The following SMCO3 variants were observed in gnomAD, a reference collection of about 807,000 sequenced individuals.
SMCO3 encodes the protein single-pass membrane and coiled-coil domain-containing protein 3.
SMCO3 carries 6 observed loss-of-function variants against 12.0 expected under a neutral mutation model. That is an observed-to-expected ratio of 0.50 (90% CI 0.27 to 0.99). The LOEUF is 0.99. Ranked by LOEUF, SMCO3 falls within the 50% of genes least tolerant of loss-of-function variation. SMCO3 has a pLI of 0.11. For synonymous variants in SMCO3, 96 were observed against 96.4 expected, an observed-to-expected ratio of 1.00 and a Z score of 0.02; for missense variants, 279 against 265.0, an observed-to-expected ratio of 1.05 and a Z score of -0.37.
At chr12:14,808,617 T>C (rs1025041182) in intron 1 of SMCO3, among the ~76,000 whole-genome samples, 3 of 152,176 alleles carry the variant, frequency 2.0e-5, no homozygotes, top group African/African-American at 4.8e-5. Flanking sequence ...CCAAATCGTA[T>C]GGATATAAGT....
rs565187762 is a variant in SMCO3, at chr12:14,807,476, A to G, written c.-16-780T>C. ...TCTAGTCAGGGCCAGATAAATATTAACATCTCTAAATTTACAGGGCTGTTT... is the reference window on the plus strand; with the variant it reads ...TCTAGTCAGGGCCAGATAAATATTAGCATCTCTAAATTTACAGGGCTGTTT... On this transcript the variant is annotated intron_variant, in intron 1 of 1. Transcript: ENST00000316048. Among the ~76,000 whole-genome samples, 4 of 152,300 alleles carry G rather than the reference A, an allele frequency of 2.6e-5. No individual in the cohort carries two copies. In the South Asian group the frequency reaches 8.3e-4, roughly 32 times the overall value.
chr12:14,813,527 CA>C (rs1476139291), intron 1 of SMCO3, among the ~76,000 whole-genome samples: 6 of 152,302 alleles, frequency 3.9e-5, no homozygotes, highest in Admixed American at 6.5e-5. Flanking sequence ...ATATTAAAGT[CA>C]TTCATCAGCA....
rs376377212 is a variant in SMCO3, at chr12:14,805,264, T to G, written c.*739A>C. On this transcript the variant is annotated 3_prime_UTR_variant, in exon 2 of 2. Coordinates refer to ENST00000316048, the MANE Select transcript of SMCO3 (RefSeq NM_001013698.2). Reference sequence around the variant, plus strand: ...ATATGTGTAGCTGTGTTTTGCTTTCTTGTCTTCTAAATGTTTCAGTGTTTG... The same window carrying G: ...ATATGTGTAGCTGTGTTTTGCTTTCGTGTCTTCTAAATGTTTCAGTGTTTG... 2.0e-4 allele frequency: 30 copies of G among 152,382 alleles called. 1 individual carries two copies. The highest frequency in any genetic ancestry group is 7.2e-4 in the African/African-American group (30 of 41,598). 9.4% of individuals were successfully genotyped at this position (152,382 alleles called of 1,614,324 possible).
Position 14,806,695 on chromosome 12 carries a change from C to A in SMCO3, c.-15G>T. Reference sequence around the variant, plus strand: ...CTTTGGGCCATATTTCCAATATGATCGCTGAAAAATAAAATGGTAAATTTT... The same window carrying A: ...CTTTGGGCCATATTTCCAATATGATAGCTGAAAAATAAAATGGTAAATTTT... On this transcript the variant is annotated splice_region_variant and 5_prime_UTR_variant, in exon 2 of 2. Coordinates refer to ENST00000316048, the MANE Select transcript of SMCO3 (RefSeq NM_001013698.2). 6.4e-7 allele frequency: 1 copy of A among 1,558,766 alleles called. No individual in the cohort carries two copies. Among genetic ancestry groups the A allele is most frequent in the Non-Finnish European group, 8.6e-7 (1 of 1,156,706 alleles).
At chr12:14,813,273 T>C (rs1427458990) in intron 1 of SMCO3, among the ~76,000 whole-genome samples, 1 of 152,226 alleles carries the variant, frequency 6.6e-6, no homozygotes, top group African/African-American at 2.4e-5. Flanking sequence ...TGCTGTCACT[T>C]TTCTTCACTG....
rs1199032780 is a variant in SMCO3, at chr12:14,805,857, T to C, written c.*146A>G. 1 of 805,668 alleles carries C rather than the reference T, an allele frequency of 1.2e-6. No individual in the cohort carries two copies. Among genetic ancestry groups the C allele is most frequent in the East Asian group, 2.6e-5 (1 of 37,750 alleles). The allele number at this position is 805,668 out of a possible 1,614,324, so 49.9% of individuals were successfully genotyped here. A position where few individuals can be genotyped will look rare whatever the true frequency, so the allele number is the denominator to read the frequency against. On this transcript the variant is annotated 3_prime_UTR_variant, in exon 2 of 2. Coordinates refer to ENST00000316048, the MANE Select transcript of SMCO3 (RefSeq NM_001013698.2). ...TCAAAACTCATCTAGTCATCTAGTC[T>C]TGGCATCTCCAGTTTCCCTCTCCAA...
intron 1 of SMCO3, among the ~76,000 whole-genome samples, chr12:14,807,033 T>C (rs772006288): frequency 2.0e-5 from 3 of 152,334 alleles, no homozygotes; most frequent in Admixed American, 6.5e-5. Flanking sequence ...GGTTTCATCA[T>C]GTTGCCCAGG....
At position 14,806,576 on chromosome 12, in the gene SMCO3, G is replaced by A; in HGVS notation, c.105C>T (p.Val35=). ...LLDCLSDSFD[V]TNKLTEVLNM... Reference sequence around the variant, plus strand: ...TTAGAACCTCAGTCAGCTTATTGGTGACATCGAAGCTGTCAGATAAGCAAT... The same window carrying A: ...TTAGAACCTCAGTCAGCTTATTGGTAACATCGAAGCTGTCAGATAAGCAAT... Residue 35 remains valine (V), a synonymous_variant, in exon 2 of 2, where the codon GTC becomes GTT. Transcript: ENST00000316048. 1.2e-6 allele frequency: 2 copies of A among 1,614,142 alleles called. No individual in the cohort carries two copies. The highest frequency in any genetic ancestry group is 1.7e-6 in the Non-Finnish European group (2 of 1,180,030).
chr12:14,812,443 C>CAA (rs1260022264), intron 1 of SMCO3, among the ~76,000 whole-genome samples: 1 of 138,778 alleles, frequency 7.2e-6, no homozygotes. Context: ...GACTCCGTCT[C>CAA]AAAAAAAAAA....
intron 1 of SMCO3, among the ~76,000 whole-genome samples, chr12:14,810,048 C>T (rs924920886): frequency 2.0e-5 from 3 of 152,184 alleles, no homozygotes; most frequent in Admixed American, 6.5e-5. Flanking sequence ...TTCATGACTT[C>T]GTTCCAATAA....
chr12:14,809,516 T>G (rs759154819), intron 1 of SMCO3, among the ~76,000 whole-genome samples: 4 of 152,170 alleles, frequency 2.6e-5, no homozygotes, highest in Non-Finnish European at 5.9e-5. Context: ...TTAATAATAA[T>G]AAATTGTAGA....
rs1022456077 is a variant in SMCO3 at position 14,806,691 on chromosome 12, T to C, written c.-11A>G. ...GTCACTTTGGGCCATATTTCCAATA[T>C]GATCGCTGAAAAATAAAATGGTAAA... On this transcript the variant is annotated 5_prime_UTR_variant, in exon 2 of 2. Coordinates refer to ENST00000316048, the MANE Select transcript of SMCO3 (RefSeq NM_001013698.2). The C allele has an allele frequency of 1.9e-5, 30 of 1,564,110 alleles. No individual in the cohort carries two copies. Among genetic ancestry groups the C allele is most frequent in the Non-Finnish European group, 2.5e-5 (29 of 1,159,744 alleles).
chr12:14,806,818 A>G, intron 1 of SMCO3, 122 bp from the exon 2 acceptor site: 1 of 893,362 alleles, frequency 1.1e-6, no homozygotes, highest in South Asian at 1.8e-5. Context: ...GTCTAAGGAT[A>G]ATTCCTCAGA....
intron 1 of SMCO3, among the ~76,000 whole-genome samples, chr12:14,811,721 A>G (rs1232647565): frequency 2.6e-5 from 4 of 152,234 alleles, no homozygotes; most frequent in Admixed American, 1.3e-4. Flanking sequence ...CAGAAAAGGA[A>G]CTACCTTACA....
chr12:14,807,244 GT>G (rs1488499503), intron 1 of SMCO3, among the ~76,000 whole-genome samples: 1 of 152,202 alleles, frequency 6.6e-6, no homozygotes, highest in Non-Finnish European at 1.5e-5. Flanking sequence ...AGATTTTGTG[GT>G]GGTGAGAAAT....
chr12:14,805,012 T>G lies in SMCO3; in HGVS notation c.*991A>C, dbSNP rs1950026447. On this transcript the variant is annotated 3_prime_UTR_variant, in exon 2 of 2. Transcript: ENST00000316048. Reference sequence around the variant, plus strand: ...AGAAAACAAACACATCTGCAGAGATTCAGCGGAACCATTAATAGGCTTCCA... The same window carrying G: ...AGAAAACAAACACATCTGCAGAGATGCAGCGGAACCATTAATAGGCTTCCA... 6.6e-6 allele frequency: 1 copy of G among 152,266 alleles called. No homozygotes were observed. The highest frequency in any genetic ancestry group is 2.4e-5 in the African/African-American group (1 of 41,468). The allele number at this position is 152,266 out of a possible 1,614,324, so 9.4% of individuals were successfully genotyped here.
At chr12:14,807,111 C>T (rs1035476025) in intron 1 of SMCO3, among the ~76,000 whole-genome samples, 18 of 152,308 alleles carry the variant, frequency 1.2e-4, no homozygotes, top group African/African-American at 2.9e-4. Context: ...GGATTACAGG[C>T]GTGAGCCACT....
At chr12:14,811,834 A>G (rs1950144353) in intron 1 of SMCO3, among the ~76,000 whole-genome samples, 1 of 152,230 alleles carries the variant, frequency 6.6e-6, no homozygotes, top group Admixed American at 6.5e-5. Flanking sequence ...GAACTTAGAA[A>G]TTAATATCAA....
Position 14,805,422 on chromosome 12 carries a change from T to C in SMCO3, c.*581A>G, listed in dbSNP as rs1351780911. On this transcript the variant is annotated 3_prime_UTR_variant, in exon 2 of 2. Transcript: ENST00000316048. ...CATCCGGTTTACATTGTGTAATCAG[T>C]AGACGTTTACAGATCAGCTTCCTGT... is the stretch of plus-strand genomic sequence containing the variant. 6.6e-6 allele frequency: 1 copy of C among 152,356 alleles called. No individual in the cohort carries two copies. Among genetic ancestry groups the C allele is most frequent in the Non-Finnish European group, 1.5e-5 (1 of 68,146 alleles). The allele number at this position is 152,356 out of a possible 1,614,324, so 9.4% of individuals were successfully genotyped here.
Sources: allele counts gnomAD v4.1 joint callset (sites outside exome capture counted in the v4.1 genomes callset), GRCh38; gene constraint gnomAD v4.1.1; transcripts MANE v1.5; gene names NCBI Gene and HGNC (gene_info 2026-07-23, HGNC 2026-07-21).